Variants in DCC observed in about 807,000 individuals in gnomAD.
DCC encodes DCC netrin 1 receptor, also known as netrin receptor DCC.
Under a neutral mutation model 172.5 loss-of-function variants are expected in DCC, and 58 were observed. That is an observed-to-expected ratio of 0.34 (90% CI 0.27 to 0.42). The LOEUF (loss-of-function observed/expected upper bound fraction) is 0.42, where lower values mean the gene tolerates loss of function less well. Among genes scored for constraint, DCC ranks in the 10% least tolerant of loss-of-function variants. DCC has a pLI of 1.00. For synonymous variants in DCC, 709 were observed against 644.5 expected, an observed-to-expected ratio of 1.10 and a Z score of -1.52; for missense variants, 1,740 against 1,791.0, an observed-to-expected ratio of 0.97 and a Z score of 0.51.
At position 53,520,403 on chromosome 18, in the gene DCC, T is replaced by G. The variant is rs149429132; in HGVS notation, c.4112-6214T>G. On this transcript the variant is annotated intron_variant, in intron 27 of 28. Coordinates refer to ENST00000442544, the MANE Select transcript of DCC (RefSeq NM_005215.4). ...TGATTATTTTACATAAAAATGTTCA[T>G]TTGGTTTAAATGGTGTAGAAGATGG... Among the ~76,000 whole-genome samples the G allele has an allele frequency of 3.7e-3, 565 of 152,174 alleles. 2 individuals carry two copies. Among genetic ancestry groups the G allele is most frequent in the African/African-American group, 0.011 (447 of 41,524 alleles).
chr18:53,345,299 A>G (rs1359867583), intron 15 of DCC, among the ~76,000 whole-genome samples: 3 of 152,088 alleles, frequency 2.0e-5, no homozygotes, highest in Non-Finnish European at 4.4e-5. Context: ...AGGAGATACC[A>G]TATATGTATT....
At chr18:52,841,102 C>T (rs1225670709) in intron 2 of DCC, among the ~76,000 whole-genome samples, 2 of 151,962 alleles carry the variant, frequency 1.3e-5, no homozygotes, top group Non-Finnish European at 2.9e-5. Context: ...ATCTGTATCT[C>T]AGAGTAGGAA....
At chr18:53,383,124 T>C (rs1279188903) in intron 15 of DCC, among the ~76,000 whole-genome samples, 1 of 152,108 alleles carries the variant, frequency 6.6e-6, no homozygotes, top group Non-Finnish European at 1.5e-5. Flanking sequence ...CTAAGTAGGT[T>C]TGATCCCTTT....
intron 1 of DCC, among the ~76,000 whole-genome samples, chr18:52,717,612 T>C (rs1163799542): frequency 2.0e-5 from 3 of 151,974 alleles, no homozygotes; most frequent in African/African-American, 7.2e-5. Flanking sequence ...AGGGAGAACT[T>C]TGAGAGCCTC....
Position 53,467,960 on chromosome 18 carries a change from C to T in DCC, c.3686C>T (p.Ala1229Val), listed in dbSNP as rs2145183887. 1 of 1,610,252 alleles carries T rather than the reference C, an allele frequency of 6.2e-7. No homozygotes were observed. ...TLERSLAARR[A>V]PRAKLMIPMD... ...GAGAGGTCGCTGGCTGCACGCCGAG[C>T]CCCCCGGGCCAAGCTCATGATTCCC... The change falls in exon 25 of 29, where the codon GCC becomes GTC. Residue 1229 changes from alanine (A) to valine (V), a missense_variant. Around this residue, in one of 2 missense-constraint regions of DCC, gnomAD observed 1,732 missense variants for 1,767.4 expected, o/e 0.98. Transcript: ENST00000442544.
intron 5 of DCC, among the ~76,000 whole-genome samples, chr18:52,962,668 C>T (rs560478499): frequency 2.4e-4 from 37 of 151,572 alleles, no homozygotes; most frequent in South Asian, 8.4e-4. Flanking sequence ...ATGTTTATTG[C>T]GGCACTATTC....
At chr18:53,466,532 CT>C (rs1241526477) in intron 24 of DCC, among the ~76,000 whole-genome samples, 2 of 152,010 alleles carry the variant, frequency 1.3e-5, no homozygotes, top group Non-Finnish European at 2.9e-5. Context: ...TTCATTTTTA[CT>C]TTTATTTTTT....
intron 15 of DCC, among the ~76,000 whole-genome samples, chr18:53,379,552 A>G (rs1907562443): frequency 6.6e-6 from 1 of 152,188 alleles, no homozygotes; most frequent in African/African-American, 2.4e-5. Flanking sequence ...GAAGCCTCAA[A>G]AAAAGCTCTT....
intron 14 of DCC, among the ~76,000 whole-genome samples, chr18:53,332,864 T>G (rs1372761588): frequency 6.6e-6 from 1 of 152,076 alleles, no homozygotes; most frequent in Non-Finnish European, 1.5e-5. Flanking sequence ...AAAATGAATA[T>G]TCCCAGCCTG....
At chr18:52,366,529 G>C (rs978196432) in intron 1 of DCC, among the ~76,000 whole-genome samples, 2 of 152,176 alleles carry the variant, frequency 1.3e-5, no homozygotes, top group African/African-American at 4.8e-5. Context: ...ATCCCCATCA[G>C]ATTAGTTAGA....
At chr18:53,002,866 G>T (rs919762082) in intron 5 of DCC, among the ~76,000 whole-genome samples, 1 of 152,144 alleles carries the variant, frequency 6.6e-6, no homozygotes, top group Non-Finnish European at 1.5e-5. Flanking sequence ...TGGCTCTCCA[G>T]TGAGGAGCTG....
At chr18:53,359,960 G>C (rs914683012) in intron 15 of DCC, among the ~76,000 whole-genome samples, 2 of 152,086 alleles carry the variant, frequency 1.3e-5, no homozygotes, top group African/African-American at 4.8e-5. Flanking sequence ...TATGAATCCT[G>C]TTCCCTTCTT....
At chr18:53,010,344 T>A (rs2041709728) in intron 5 of DCC, among the ~76,000 whole-genome samples, 1 of 151,908 alleles carries the variant, frequency 6.6e-6, no homozygotes, top group Non-Finnish European at 1.5e-5. Flanking sequence ...ATTGTTTTTT[T>A]TCTTATCTCT....
Position 53,532,406 on chromosome 18 carries a change from C to T in DCC, c.*1753C>T, listed in dbSNP as rs919925318. On this transcript the variant is annotated 3_prime_UTR_variant, in exon 29 of 29. Transcript: ENST00000442544. ...TTCATTAGAAAGTCCGGTCCATTTG[C>T]GAATTTGTTCCTTCAACAAGAGTGC... 2.6e-5 allele frequency: 4 copies of T among 152,140 alleles called. No individual in the cohort carries two copies. The highest frequency in any genetic ancestry group is 6.5e-5 in the Admixed American group (1 of 15,284). 9.4% of individuals were successfully genotyped at this position (152,140 alleles called of 1,614,324 possible).
intron 1 of DCC, among the ~76,000 whole-genome samples, chr18:52,624,100 A>G (rs1316399527): frequency 6.6e-6 from 1 of 152,182 alleles, no homozygotes; most frequent in African/African-American, 2.4e-5. Context: ...AACTTAACAT[A>G]TATCCAGACA....
chr18:52,717,583 A>G (rs948987414), intron 1 of DCC, among the ~76,000 whole-genome samples: 27 of 151,992 alleles, frequency 1.8e-4, no homozygotes, highest in Admixed American at 1.5e-3. Context: ...AGTCATCCAG[A>G]GAGTACAGGT....
At chr18:52,918,267 A>T (rs2040070004) in intron 3 of DCC, among the ~76,000 whole-genome samples, 1 of 152,172 alleles carries the variant, frequency 6.6e-6, no homozygotes, top group East Asian at 1.9e-4. Flanking sequence ...GAATAATTGC[A>T]TTTGGATATG....
At chr18:52,436,255 A>G (rs934936239) in intron 1 of DCC, among the ~76,000 whole-genome samples, 1 of 152,254 alleles carries the variant, frequency 6.6e-6, no homozygotes, top group African/African-American at 2.4e-5. Context: ...TATTTTTTAT[A>G]GTGGCTTCTG....
intron 1 of DCC, among the ~76,000 whole-genome samples, chr18:52,348,894 C>T (rs1214035565): frequency 1.3e-5 from 2 of 152,112 alleles, no homozygotes; most frequent in African/African-American, 2.4e-5. Context: ...CCTGCCTTAT[C>T]CTGTTTATTG....
Sources: gnomAD v4.1 joint callset for allele counts (sites outside exome capture counted in the v4.1 genomes callset) on GRCh38, gnomAD v4.1.1 for gene constraint, gnomAD v4.1.1 regional missense constraint, MANE v1.5 for transcripts, NCBI Gene and HGNC (gene_info 2026-07-23, HGNC 2026-07-21) for gene names.